The following SGCZ variants were observed in gnomAD, a reference collection of about 807,000 sequenced individuals.
The protein encoded by SGCZ is sarcoglycan zeta.
SGCZ carries 40 observed loss-of-function variants against 41.3 expected under a neutral mutation model. The ratio of observed to expected loss-of-function variants is 0.97; its 90% CI spans 0.75 to 1.26. SGCZ has a LOEUF of 1.26. Among genes scored for constraint, SGCZ ranks in the 50% most tolerant of loss-of-function variants. SGCZ has a pLI of 0.00. For synonymous variants in SGCZ, 206 were observed against 137.5 expected (o/e 1.50, Z -3.49); for missense variants, 552 against 369.8 (o/e 1.49, Z -4.04).
chr8:15,126,027 T>G (rs921272427), intron 1 of SGCZ, among the ~76,000 whole-genome samples: 3 of 152,114 alleles, frequency 2.0e-5, no homozygotes, highest in Non-Finnish European at 2.9e-5. Flanking sequence ...GCACCTGTAC[T>G]CCCAGCTACT....
At chr8:14,583,971 T>C (rs1204796538) in intron 1 of SGCZ, among the ~76,000 whole-genome samples, 1 of 152,188 alleles carries the variant, frequency 6.6e-6, no homozygotes, top group Non-Finnish European at 1.5e-5. Flanking sequence ...TTAAACGTAA[T>C]ATTGTGGTTT....
intron 5 of SGCZ, among the ~76,000 whole-genome samples, chr8:14,151,406 G>A (rs1045902215): frequency 8.6e-5 from 13 of 151,840 alleles, no homozygotes; most frequent in African/African-American, 2.9e-4. Flanking sequence ...AATTTATGCT[G>A]AAGTTTAAAA....
chr8:14,613,570 C>G (rs7010545), intron 1 of SGCZ, among the ~76,000 whole-genome samples: 118,539 of 152,094 alleles, frequency 0.78, 46,623 homozygotes, highest in Non-Finnish European at 0.83. Flanking sequence ...ATTCTTTCTT[C>G]CTATGCTCAA....
At chr8:15,215,597 C>T (rs1201290127) in intron 1 of SGCZ, among the ~76,000 whole-genome samples, 5 of 152,094 alleles carry the variant, frequency 3.3e-5, no homozygotes, top group Non-Finnish European at 7.4e-5. Context: ...TTTTAGGTTG[C>T]TGTGGGCTAT....
chr8:14,799,622 T>C (rs1801250469), intron 1 of SGCZ, among the ~76,000 whole-genome samples: 1 of 152,122 alleles, frequency 6.6e-6, no homozygotes, highest in Non-Finnish European at 1.5e-5. Flanking sequence ...AGAAGTGAAT[T>C]GCAAGTCCAC....
chr8:14,137,039 G>C (rs891100000), intron 5 of SGCZ, among the ~76,000 whole-genome samples: 1 of 152,162 alleles, frequency 6.6e-6, no homozygotes, highest in Admixed American at 6.5e-5. Context: ...ACAGGGACTG[G>C]GGTGGACCTC....
At chr8:14,270,394 T>A (rs2117261334) in intron 3 of SGCZ, among the ~76,000 whole-genome samples, 1 of 152,196 alleles carries the variant, frequency 6.6e-6, no homozygotes, top group East Asian at 1.9e-4. Context: ...ACTTAAGGTT[T>A]TTTCAGCGTA....
rs1425690340 is a variant in SGCZ at position 14,191,378 on chromosome 8, A to C, written c.425-26676T>G. On this transcript the variant is annotated intron_variant, in intron 4 of 7. Transcript: ENST00000382080. ...TATTTTTGCTTCTGTTGCCTGCGCC[A>C]TATGACACTATCCAAAAAATCACTG... Among the ~76,000 whole-genome samples the C allele has an allele frequency of 2.0e-5, 3 of 152,184 alleles. No homozygotes were observed. The East Asian group carries it at 5.8e-4, about 29-fold the overall frequency.
In SGCZ at chr8:14,782,935, C is replaced by T. The variant is rs554093403; in HGVS notation, c.40-228009G>A. On this transcript the variant is annotated intron_variant, in intron 1 of 7. Transcript: ENST00000382080. ...TGCTGAATCTTTTTTTTATTACATG[C>T]TGTTTGGATACATATAATGCAGGCA... 1.1e-4 allele frequency among the ~76,000 whole-genome samples: 17 copies of T among 152,050 alleles called. No individual in the cohort carries two copies. In the East Asian group the frequency reaches 3.3e-3, roughly 29 times the overall value.
intron 5 of SGCZ, among the ~76,000 whole-genome samples, chr8:14,113,687 C>T (rs1375439149): frequency 6.6e-6 from 1 of 152,202 alleles, no homozygotes; most frequent in South Asian, 2.1e-4. Context: ...ATATCACATA[C>T]ATTTTCTGCT....
chr8:14,657,792 G>C (rs202207168), intron 1 of SGCZ, among the ~76,000 whole-genome samples: 1 of 152,046 alleles, frequency 6.6e-6, no homozygotes, highest in Non-Finnish European at 1.5e-5. Flanking sequence ...ATGTATACTT[G>C]CATGTTACTG....
intron 1 of SGCZ, among the ~76,000 whole-genome samples, chr8:14,809,822 A>G (rs988130157): frequency 1.3e-5 from 2 of 152,156 alleles, no homozygotes; most frequent in African/African-American, 4.8e-5. Context: ...AGATACTGCA[A>G]AAGTACTATT....
At chr8:15,185,754 A>G (rs1436448156) in intron 1 of SGCZ, among the ~76,000 whole-genome samples, 1 of 152,192 alleles carries the variant, frequency 6.6e-6, no homozygotes, top group African/African-American at 2.4e-5. Flanking sequence ...GTTATTTATG[A>G]TAAGATGAAG....
intron 1 of SGCZ, among the ~76,000 whole-genome samples, chr8:14,573,545 A>G (rs927902492): frequency 6.6e-6 from 1 of 151,944 alleles, no homozygotes. Context: ...TTTCTCCTCA[A>G]CGAAAGAGCT....
At chr8:14,310,839 G>A (rs1355910651) in intron 3 of SGCZ, among the ~76,000 whole-genome samples, 11 of 152,174 alleles carry the variant, frequency 7.2e-5, no homozygotes, top group African/African-American at 2.4e-4. Flanking sequence ...AGAAAATTCG[G>A]AAAAACCAGT....
At chr8:14,309,093 A>T in intron 3 of SGCZ, 2 of 1,443,252 alleles carry the variant, frequency 1.4e-6, no homozygotes, top group Non-Finnish European at 1.9e-6. Flanking sequence ...GAATCTCATC[A>T]GGAGGTTGCT....
At chr8:14,162,225 T>C (rs1804068799) in intron 5 of SGCZ, among the ~76,000 whole-genome samples, 1 of 152,120 alleles carries the variant, frequency 6.6e-6, no homozygotes. Context: ...CATGAGATCG[T>C]AAAAGCTGCC....
chr8:14,530,735 C>T (rs113265775), intron 2 of SGCZ, among the ~76,000 whole-genome samples: 11 of 151,994 alleles, frequency 7.2e-5, no homozygotes, highest in African/African-American at 1.9e-4. Context: ...ATAGCCCCAT[C>T]TATTCTGGAG....
intron 1 of SGCZ, among the ~76,000 whole-genome samples, chr8:14,605,438 A>C (rs897032477): frequency 6.6e-6 from 1 of 152,104 alleles, no homozygotes; most frequent in African/African-American, 2.4e-5. Context: ...GTTACTTTAA[A>C]AATGTGCATT....
Sources: allele counts gnomAD v4.1 joint callset (sites outside exome capture counted in the v4.1 genomes callset), GRCh38; gene constraint gnomAD v4.1.1; transcripts MANE v1.5; gene names NCBI Gene and HGNC (gene_info 2026-07-23, HGNC 2026-07-21).